Variants in CAPN13 observed in about 807,000 individuals in gnomAD.
The protein encoded by CAPN13 is calpain 13.
A neutral mutation model predicts 98.4 loss-of-function variants in CAPN13; 90 were observed. The observed-to-expected ratio is 0.92, with a 90% CI of 0.77 to 1.09. The LOEUF is 1.09. CAPN13 is among the 50% of genes least tolerant of loss of function. The pLI is 0.00. For missense variants in CAPN13, 887 were observed against 841.3 expected, an observed-to-expected ratio of 1.05 and a Z score of -0.67; for synonymous variants, 330 against 305.5, an observed-to-expected ratio of 1.08 and a Z score of -0.84.
At chr2:30,759,650 G>A (rs751831921) in intron 7 of CAPN13, among the ~76,000 whole-genome samples, 1 of 152,190 alleles carries the variant, frequency 6.6e-6, no homozygotes, top group Non-Finnish European at 1.5e-5. Flanking sequence ...GCTGATGTGC[G>A]CTAAGGAAAC....
rs921343273 is a variant in CAPN13, at chr2:30,751,110, A to C, written c.1229T>G (p.Val410Gly). The C allele has an allele frequency of 6.2e-7, 1 of 1,613,640 alleles. No individual in the cohort carries two copies. The highest frequency in any genetic ancestry group is 1.7e-5 in the Admixed American group (1 of 59,978). The change falls in exon 11 of 23, where the codon GTG (valine) becomes GGG (glycine). Residue 410 changes from valine to glycine, a missense_variant. Physicochemically the swap from Val to Gly is moderately radical, Grantham distance 109 (BLOSUM62 -3). Transcript: ENST00000295055. The part of the protein sequence containing the change: ...EDAKFPLDFQ[V>G]ILAGSQRFRE... The stretch of plus-strand genomic sequence containing the variant: ...TGAAGCAGGCTGCCTTACCAGAATC[A>C]CTTGGAAATCGAGTGGAAATTTTGC...
chr2:30,790,996 T>C (rs1163466667), intron 1 of CAPN13, among the ~76,000 whole-genome samples: 2 of 152,020 alleles, frequency 1.3e-5, no homozygotes. Context: ...TATCTCTAGG[T>C]ACAATCATGT....
In CAPN13 at chr2:30,775,872, C is replaced by T. The variant is rs1179453098; in HGVS notation, c.387+58G>A. 28 of 1,237,188 alleles carry T rather than the reference C, an allele frequency of 2.3e-5. No individual in the cohort carries two copies. In the Admixed American group the frequency reaches 3.7e-4, roughly 16 times the overall value. The allele number at this position is 1,237,188 out of a possible 1,614,324, so 76.6% of individuals were successfully genotyped here. On this transcript the variant is annotated intron_variant, in intron 4 of 22. Coordinates refer to ENST00000295055, the MANE Select transcript of CAPN13 (RefSeq NM_144575.3). Reference sequence around the variant, plus strand: ...CCACGAGAAAACTTAAGACTTTCACCTTCCCTGTACTCACAGAGAACCCCA... The same window carrying T: ...CCACGAGAAAACTTAAGACTTTCACTTTCCCTGTACTCACAGAGAACCCCA...
In CAPN13 at chr2:30,731,559, T is replaced by TA. The variant is rs530304465; in HGVS notation, c.1928-161dup. 1.6e-3 allele frequency among the ~76,000 whole-genome samples: 243 copies of TA among 152,076 alleles called. 1 individual carries two copies. The highest frequency in any genetic ancestry group is 3.5e-3 in the South Asian group (17 of 4,816). On this transcript the variant is annotated intron_variant, in intron 20 of 22. Transcript: ENST00000295055. ...CCTGTCACCCATCCTTTTCTCTGTCTAGCCGAGCTCTGCACGGGGCGAGTG... is the reference window on the plus strand; with the variant it reads ...CCTGTCACCCATCCTTTTCTCTGTCTAAGCCGAGCTCTGCACGGGGCGAGTG...
intron 2 of CAPN13, among the ~76,000 whole-genome samples, chr2:30,779,473 A>T (rs545538680): frequency 1.3e-5 from 2 of 152,310 alleles, no homozygotes; most frequent in Non-Finnish European, 2.9e-5. Context: ...TCTCTCTGGT[A>T]GGCTCCCAAC....
chr2:30,739,652 G>A (rs1021250276), intron 15 of CAPN13, among the ~76,000 whole-genome samples: 9 of 152,180 alleles, frequency 5.9e-5, no homozygotes, highest in Non-Finnish European at 8.8e-5. Context: ...TGCTAATGAG[G>A]AGTTCCAACT....
chr2:30,737,934 TG>T, intron 17 of CAPN13: 1 of 411,206 alleles, frequency 2.4e-6, no homozygotes. Context: ...GATACTTTTT[TG>T]TATCAGAGGG....
At chr2:30,793,830 A>G (rs1052430173) in intron 1 of CAPN13, among the ~76,000 whole-genome samples, 2 of 151,836 alleles carry the variant, frequency 1.3e-5, no homozygotes, top group African/African-American at 4.8e-5. Context: ...GGGGGAAAGA[A>G]AAGTCTTTCC....
Position 30,786,957 on chromosome 2 carries a change from C to T in CAPN13, c.198+171G>A, listed in dbSNP as rs368380567. 7.2e-5 allele frequency among the ~76,000 whole-genome samples: 11 copies of T among 152,282 alleles called. No individual in the cohort carries two copies. In the South Asian group the frequency reaches 1.7e-3, roughly 23 times the overall value. ...CAGGAGTCTGGGCTCCTGGTTCCTG[C>T]TATAGCATCTTCCCATCCTGCTGAG... On this transcript the variant is annotated intron_variant, in intron 2 of 22. Transcript: ENST00000295055.
intron 12 of CAPN13, among the ~76,000 whole-genome samples, chr2:30,744,904 AC>A (rs569216687): frequency 1.4e-4 from 22 of 152,196 alleles, no homozygotes; most frequent in African/African-American, 4.3e-4. Flanking sequence ...GGCTCCTTGC[AC>A]CTGAGTGCTT....
intron 1 of CAPN13, among the ~76,000 whole-genome samples, chr2:30,801,136 G>A (rs1220474635): frequency 2.0e-5 from 3 of 152,040 alleles, no homozygotes; most frequent in Admixed American, 6.6e-5. Context: ...GCAGACCCTC[G>A]GCTCCGGGCC....
chr2:30,780,264 A>G (rs1673918095), intron 2 of CAPN13, among the ~76,000 whole-genome samples: 1 of 152,260 alleles, frequency 6.6e-6, no homozygotes, highest in Non-Finnish European at 1.5e-5. Context: ...AAAAATAAAA[A>G]TTAAAAAAGA....
In CAPN13 at chr2:30,732,634, T is replaced by C. The variant is rs1671163444; in HGVS notation, c.1799-68A>G. On this transcript the variant is annotated intron_variant, in intron 19 of 22. Transcript: ENST00000295055. Reference sequence around the variant, plus strand: ...TCGGGGGTTCCTCTGCCTCTCAGGGTCTGAGACACCTGTTCAGAGGGCCCG... The same window carrying C: ...TCGGGGGTTCCTCTGCCTCTCAGGGCCTGAGACACCTGTTCAGAGGGCCCG... 2.6e-6 allele frequency: 4 copies of C among 1,546,592 alleles called. No homozygotes were observed. The East Asian group carries it at 7.2e-5, about 28-fold the overall frequency.
chr2:30,746,414 A>G (rs1411582759), intron 11 of CAPN13: 3 of 154,622 alleles, frequency 1.9e-5, no homozygotes, highest in Non-Finnish European at 4.3e-5. Flanking sequence ...ACTGTTCTAA[A>G]TTTATTAGGT....
At chr2:30,775,755 C>G (rs1673653561) in intron 4 of CAPN13, among the ~76,000 whole-genome samples, 175 bp downstream of exon 4, 1 of 152,146 alleles carries the variant, frequency 6.6e-6, no homozygotes, top group Admixed American at 6.5e-5. Flanking sequence ...TCTCATCTTC[C>G]CTGTGTGTTG....
At chr2:30,780,174 A>G (rs1375356354) in intron 2 of CAPN13, among the ~76,000 whole-genome samples, 4 of 152,236 alleles carry the variant, frequency 2.6e-5, no homozygotes, top group African/African-American at 9.6e-5. Context: ...AAAGGCTTAC[A>G]GGTACATGCA....
chr2:30,748,052 C>T (rs1390677351), intron 11 of CAPN13, among the ~76,000 whole-genome samples: 1 of 152,240 alleles, frequency 6.6e-6, no homozygotes, highest in East Asian at 1.9e-4. Context: ...GGCCCATGGT[C>T]ACCCATGTGA....
chr2:30,805,076 G>A (rs1675532114), intron 1 of CAPN13, among the ~76,000 whole-genome samples: 1 of 152,194 alleles, frequency 6.6e-6, no homozygotes, highest in East Asian at 1.9e-4. Flanking sequence ...CAGATGAGGT[G>A]CCAAGCCTCT....
chr2:30,795,887 T>G (rs1290513053), intron 1 of CAPN13, among the ~76,000 whole-genome samples: 3 of 151,950 alleles, frequency 2.0e-5, no homozygotes, highest in Non-Finnish European at 4.4e-5. Context: ...AATTTGTAAT[T>G]AACACATTCT....
Sources: allele counts gnomAD v4.1 joint callset (sites outside exome capture counted in the v4.1 genomes callset), GRCh38; gene constraint gnomAD v4.1.1; transcripts MANE v1.5; gene names NCBI Gene and HGNC (gene_info 2026-07-23, HGNC 2026-07-21).